The following LRIG2 variants were observed in gnomAD, a reference collection of about 807,000 sequenced individuals.
The protein encoded by LRIG2 is leucine rich repeats and immunoglobulin like domains 2, also known as leucine-rich repeats and immunoglobulin-like domains protein 2.
LRIG2 carries 93 observed loss-of-function variants against 107.8 expected under a neutral mutation model. That is an observed-to-expected ratio of 0.86 (90% CI 0.73 to 1.03). LRIG2 has a LOEUF of 1.03. LRIG2 is among the 50% of genes least tolerant of loss of function. The pLI, the probability that LRIG2 is intolerant of heterozygous loss-of-function variation, is 0.00. For missense variants in LRIG2, 1,226 were observed against 1,296.0 expected (o/e 0.95, Z 0.83); for synonymous variants, 471 against 470.6 (o/e 1.00, Z -0.01).
chr1:113,112,801 C>T (rs778404257), intron 14 of LRIG2, 41 bp downstream of exon 14: 1 of 1,541,402 alleles, frequency 6.5e-7, no homozygotes, highest in East Asian at 2.3e-5. Context: ...TTGTTGGAGT[C>T]TTTGGGAGCT....
At chr1:113,123,101 T>C (rs1655330898) in intron 17 of LRIG2, among the ~76,000 whole-genome samples, 1 of 152,238 alleles carries the variant, frequency 6.6e-6, no homozygotes, top group Admixed American at 6.5e-5. Flanking sequence ...GTTGTTAGAA[T>C]TGTTGACATG....
At chr1:113,107,812 A>G in intron 12 of LRIG2, 55 bp downstream of exon 12, 1 of 1,437,512 alleles carries the variant, frequency 7.0e-7, no homozygotes, top group African/African-American at 1.5e-5. Flanking sequence ...TCTTAACAGA[A>G]TTAAAAAAAT....
chr1:113,113,404 C>T (rs984256469), intron 14 of LRIG2, among the ~76,000 whole-genome samples: 80 of 151,422 alleles, frequency 5.3e-4, no homozygotes, highest in African/African-American at 1.7e-3. Flanking sequence ...CTTCGTGGAA[C>T]TCAAATCCAG....
chr1:113,087,589 TC>T (rs1653614669), intron 1 of LRIG2, among the ~76,000 whole-genome samples: 1 of 152,188 alleles, frequency 6.6e-6, no homozygotes, highest in Non-Finnish European at 1.5e-5. Context: ...CCTCAGGCGA[TC>T]CACCCACCTC....
rs755265164 is a variant in LRIG2 at position 113,110,233 on chromosome 1, T to C, written c.1478-9T>C. On this transcript the variant is annotated splice_polypyrimidine_tract_variant and intron_variant, in intron 12 of 17. Coordinates refer to ENST00000361127, the MANE Select transcript of LRIG2 (RefSeq NM_014813.3). ...TGACTTGGCTACGGATGCATTTTTT[T>C]CCCCTTAGATGATTTTCTCAAGCCA... 7.7e-6 allele frequency: 12 copies of C among 1,555,454 alleles called. No individual in the cohort carries two copies. Among genetic ancestry groups the C allele is most frequent in the Middle Eastern group, 1.7e-4 (1 of 5,804 alleles).
chr1:113,107,851 T>C, intron 12 of LRIG2, 94 bp downstream of exon 12: 1 of 1,117,764 alleles, frequency 8.9e-7, no homozygotes, highest in Non-Finnish European at 1.3e-6. Flanking sequence ...CACTAGGAAT[T>C]TTTGTAATCA....
Position 113,112,768 on chromosome 1 carries a change from T to C in LRIG2, c.2080+8T>C. 1 of 1,587,402 alleles carries C rather than the reference T, an allele frequency of 6.3e-7. No individual in the cohort carries two copies. The highest frequency in any genetic ancestry group is 8.6e-7 in the Non-Finnish European group (1 of 1,159,478). ...CTTCCCTAACAGTGTTAGGTACGTTTACTGCTCCATGGGTCCCTGCTTTTG... is the reference window on the plus strand; with the variant it reads ...CTTCCCTAACAGTGTTAGGTACGTTCACTGCTCCATGGGTCCCTGCTTTTG... On this transcript the variant is annotated splice_region_variant and intron_variant, in intron 14 of 17. Coordinates refer to ENST00000361127, the MANE Select transcript of LRIG2 (RefSeq NM_014813.3).
intron 3 of LRIG2, 50 bp downstream of exon 3, chr1:113,093,330 ATT>A (rs571646492): frequency 6.9e-7 from 1 of 1,446,284 alleles, no homozygotes; most frequent in African/African-American, 1.4e-5. Flanking sequence ...AAAAGTATAC[ATT>A]TTTTTTTTAA....
intron 17 of LRIG2, among the ~76,000 whole-genome samples, chr1:113,122,512 A>G (rs1655307199): frequency 6.6e-6 from 1 of 152,218 alleles, no homozygotes; most frequent in South Asian, 2.1e-4. Context: ...CAGTAAATCC[A>G]CTTTTACTGT....
intron 8 of LRIG2, among the ~76,000 whole-genome samples, chr1:113,098,080 C>G (rs573374349): frequency 6.6e-6 from 1 of 152,276 alleles, no homozygotes; most frequent in South Asian, 2.1e-4. Context: ...TTTATCATAA[C>G]ATGATGTGGT....
intron 11 of LRIG2, chr1:113,103,425 G>A (rs1236315342): frequency 1.3e-5 from 2 of 152,038 alleles, no homozygotes; most frequent in Non-Finnish European, 2.9e-5. Context: ...AACCCACCTT[G>A]CTCCTTGGCT....
At chr1:113,080,019 ATTTTTTT>A (rs35584269) in intron 1 of LRIG2, among the ~76,000 whole-genome samples, 15 of 112,606 alleles carry the variant, frequency 1.3e-4, no homozygotes, top group Admixed American at 3.4e-4. Context: ...CCTGGCCCGA[ATTTTTTT>A]TTTTTTTTTT....
At chr1:113,077,721 A>C (rs1653050048) in intron 1 of LRIG2, among the ~76,000 whole-genome samples, 1 of 152,006 alleles carries the variant, frequency 6.6e-6, no homozygotes. Context: ...ACCCTGGCAA[A>C]ATGTTTTCAC....
chr1:113,110,309 G>A lies in LRIG2; in HGVS notation c.1545G>A (p.Val515=), dbSNP rs1654715606. ...TAATTGCTCTAAGAGGCATGAATGT[G>A]ACTCTGACGTGCACTGCAGTGAGCA... ...ETIIALRGMN[V]TLTCTAVSSS... Residue 515 remains valine (V), a synonymous_variant, in exon 13 of 18, where the codon GTG becomes GTA. Coordinates refer to ENST00000361127, the MANE Select transcript of LRIG2 (RefSeq NM_014813.3). 1.5e-5 allele frequency: 25 copies of A among 1,613,994 alleles called. No individual in the cohort carries two copies. The highest frequency in any genetic ancestry group is 2.0e-5 in the Non-Finnish European group (24 of 1,180,000).
intron 12 of LRIG2, among the ~76,000 whole-genome samples, chr1:113,109,910 C>T (rs1027047281): frequency 1.3e-5 from 2 of 152,092 alleles, no homozygotes; most frequent in African/African-American, 4.8e-5. Flanking sequence ...CTGTTTTTCC[C>T]CAATAACTGA....
Position 113,129,624 on chromosome 1 carries a change from A to G in LRIG2, c.*5523A>G, listed in dbSNP as rs1185174185. 6.6e-6 allele frequency: 1 copy of G among 152,160 alleles called. No individual in the cohort carries two copies. Among genetic ancestry groups the G allele is most frequent in the Non-Finnish European group, 1.5e-5 (1 of 68,036 alleles). 9.4% of individuals were successfully genotyped at this position (152,160 alleles called of 1,614,324 possible). On this transcript the variant is annotated 3_prime_UTR_variant, in exon 18 of 18. Transcript: ENST00000361127. ...TGATCAAGCAATATGTTAACCCTCTAAGTAGGATTAGTGTCCCATGAGTAT... is the reference window on the plus strand; with the variant it reads ...TGATCAAGCAATATGTTAACCCTCTGAGTAGGATTAGTGTCCCATGAGTAT...
intron 11 of LRIG2, chr1:113,103,694 G>A (rs1373861036): frequency 6.5e-6 from 1 of 153,486 alleles, no homozygotes; most frequent in Non-Finnish European, 1.5e-5. Context: ...CACCTTTGAA[G>A]CCATTGTCTT....
At chr1:113,076,438 C>T (rs934667131) in intron 1 of LRIG2, among the ~76,000 whole-genome samples, 1 of 152,176 alleles carries the variant, frequency 6.6e-6, no homozygotes, top group African/African-American at 2.4e-5. Context: ...AAGTGACATT[C>T]AGAATTTTTA....
intron 13 of LRIG2, among the ~76,000 whole-genome samples, chr1:113,111,433 G>A (rs940931487): frequency 3.9e-5 from 6 of 152,126 alleles, no homozygotes; most frequent in Non-Finnish European, 7.4e-5. Flanking sequence ...ACTGAGTAGC[G>A]TACATAGTAT....
Sources: allele counts gnomAD v4.1 joint callset (sites outside exome capture counted in the v4.1 genomes callset), GRCh38; gene constraint gnomAD v4.1.1; transcripts MANE v1.5; gene names NCBI Gene and HGNC (gene_info 2026-07-23, HGNC 2026-07-21).